The following PCDH9 variants were observed in gnomAD, a reference collection of about 807,000 sequenced individuals.
PCDH9 encodes protocadherin-9.
Under a neutral mutation model 70.6 loss-of-function variants are expected in PCDH9, and 24 were observed. The observed-to-expected ratio is 0.34, with a 90% CI of 0.25 to 0.48. The LOEUF (loss-of-function observed/expected upper bound fraction) is 0.48. Among genes scored for constraint, PCDH9 ranks in the 20% least tolerant of loss-of-function variants. The pLI is 0.99. For synonymous variants in PCDH9, 562 were observed against 558.5 expected, an observed-to-expected ratio of 1.01 and a Z score of -0.09; for missense variants, 1,281 against 1,503.6, an observed-to-expected ratio of 0.85 and a Z score of 2.45.
chr13:66,555,542 T>C (rs192568315), intron 4 of PCDH9, among the ~76,000 whole-genome samples: 32 of 152,246 alleles, frequency 2.1e-4, no homozygotes, highest in African/African-American at 6.7e-4. Context: ...TTGCATACCA[T>C]AGTTAAATTT....
intron 2 of PCDH9, among the ~76,000 whole-genome samples, chr13:66,936,213 C>G (rs751828486): frequency 1.3e-5 from 2 of 152,182 alleles, no homozygotes; most frequent in Non-Finnish European, 2.9e-5. Flanking sequence ...TGTTAGCACA[C>G]TCAATCAGTC....
chr13:66,865,763 C>T (rs1477322181), intron 3 of PCDH9, among the ~76,000 whole-genome samples: 2 of 152,196 alleles, frequency 1.3e-5, no homozygotes, highest in Admixed American at 6.5e-5. Flanking sequence ...TTTTATACTT[C>T]TTTCAAGTTA....
chr13:66,733,175 A>G (rs1229755134), intron 3 of PCDH9, among the ~76,000 whole-genome samples: 1 of 152,012 alleles, frequency 6.6e-6, no homozygotes, highest in African/African-American at 2.4e-5. Context: ...CTCTGCATAT[A>G]ATTTTATAAA....
chr13:66,803,004 C>T (rs1458807291), intron 3 of PCDH9, among the ~76,000 whole-genome samples: 1 of 152,032 alleles, frequency 6.6e-6, no homozygotes, highest in Non-Finnish European at 1.5e-5. Context: ...TAATTTAAAA[C>T]CATACTTCTA....
At chr13:67,224,657 A>C (rs2089808009) in intron 2 of PCDH9, 1 of 238,896 alleles carries the variant, frequency 4.2e-6, no homozygotes, top group Non-Finnish European at 6.8e-6. Flanking sequence ...CTTATGCATT[A>C]CTAAGATGAG....
intron 2 of PCDH9, among the ~76,000 whole-genome samples, chr13:67,037,860 G>A (rs913519710): frequency 1.1e-4 from 16 of 152,158 alleles, no homozygotes; most frequent in African/African-American, 2.9e-4. Context: ...CAACTGGACC[G>A]TATGGTAAAG....
rs147034648 is a variant in PCDH9 at position 66,844,402 on chromosome 13, T to C, written c.3138+59102A>G. Among the ~76,000 whole-genome samples, 158 of 151,930 alleles carry C rather than the reference T, an allele frequency of 1.0e-3. 2 individuals are homozygous for C. The highest frequency in any genetic ancestry group is 3.6e-3 in the African/African-American group (151 of 41,400). On this transcript the variant is annotated intron_variant, in intron 3 of 4. Transcript: ENST00000377865. ...GAGTTCAAGACCAACCAGGCCAACA[T>C]GGTGAAATCCTGTCTCTACTAAAAA...
chr13:67,214,935 G>GATAGATATATAT (rs1555321190), intron 2 of PCDH9: 1 of 89,290 alleles, frequency 1.1e-5, no homozygotes, highest in African/African-American at 4.4e-5. Flanking sequence ...TTGCGAGCCA[G>GATAGATATATAT]ATATATATAT....
intron 4 of PCDH9, among the ~76,000 whole-genome samples, chr13:66,500,937 A>G (rs1959173900): frequency 6.6e-6 from 1 of 152,114 alleles, no homozygotes; most frequent in Admixed American, 6.5e-5. Context: ...GGTGAGATTA[A>G]GCATAACAAA....
At chr13:66,734,501 A>G (rs9317608) in intron 3 of PCDH9, among the ~76,000 whole-genome samples, 91,950 of 151,946 alleles carry the variant, frequency 0.61, 28,966 homozygotes, top group Non-Finnish European at 0.72. Context: ...CAAATTTGCA[A>G]TTGGTGTCAG....
chr13:66,654,705 C>G (rs1435288220), intron 3 of PCDH9, among the ~76,000 whole-genome samples: 1 of 151,800 alleles, frequency 6.6e-6, no homozygotes, highest in African/African-American at 2.4e-5. Flanking sequence ...TTGTTGTTGT[C>G]TGTTTGTTTG....
rs949319209 is a variant in PCDH9, at chr13:66,472,014, G to T, written c.3340+159196C>A. Among the ~76,000 whole-genome samples, 11 of 151,688 alleles carry T rather than the reference G, an allele frequency of 7.3e-5. No homozygotes were observed. In the East Asian group the frequency reaches 7.8e-4, roughly 11 times the overall value. Reference sequence around the variant, plus strand: ...TCGCTTAAGGTCAGGAGTTCGAAACGAGCTTGGTCATCATGGTGAAACCCC... The same window carrying T: ...TCGCTTAAGGTCAGGAGTTCGAAACTAGCTTGGTCATCATGGTGAAACCCC... On this transcript the variant is annotated intron_variant, in intron 4 of 4. Transcript: ENST00000377865.
At chr13:66,997,168 C>G (rs921346891) in intron 2 of PCDH9, among the ~76,000 whole-genome samples, 1 of 152,104 alleles carries the variant, frequency 6.6e-6, no homozygotes, top group Admixed American at 6.5e-5. Context: ...TTGCTATAAA[C>G]GAATACCTGA....
At chr13:67,000,603 T>G (rs1420635966) in intron 2 of PCDH9, among the ~76,000 whole-genome samples, 1 of 152,016 alleles carries the variant, frequency 6.6e-6, no homozygotes, top group Non-Finnish European at 1.5e-5. Flanking sequence ...AAAAAAGTTT[T>G]TATACAGTTA....
chr13:66,375,687 A>AT (rs1353580262), intron 4 of PCDH9, among the ~76,000 whole-genome samples: 1 of 152,144 alleles, frequency 6.6e-6, no homozygotes, highest in African/African-American at 2.4e-5. Context: ...CAAATTGATG[A>AT]TATTTTATAA....
chr13:67,081,183 T>C (rs937275726), intron 2 of PCDH9, among the ~76,000 whole-genome samples: 7 of 152,224 alleles, frequency 4.6e-5, no homozygotes, highest in African/African-American at 1.7e-4. Flanking sequence ...GACAAGGATA[T>C]AGAGAATAAT....
At chr13:67,163,398 A>G (rs1251234566) in intron 2 of PCDH9, among the ~76,000 whole-genome samples, 1 of 152,228 alleles carries the variant, frequency 6.6e-6, no homozygotes, top group Non-Finnish European at 1.5e-5. Context: ...CTCATTTGTC[A>G]AACAAAGTTA....
intron 4 of PCDH9, among the ~76,000 whole-genome samples, chr13:66,308,510 T>C (rs1158356591): frequency 6.6e-6 from 1 of 152,070 alleles, no homozygotes; most frequent in African/African-American, 2.4e-5. Context: ...ACAATGGCAC[T>C]CTACATGAAA....
At chr13:66,784,425 G>A (rs1057294082) in intron 3 of PCDH9, among the ~76,000 whole-genome samples, 8 of 152,128 alleles carry the variant, frequency 5.3e-5, no homozygotes, top group African/African-American at 1.9e-4. Context: ...CAGAATGAAA[G>A]CCATGTTCCA....
Sources: gnomAD v4.1 joint callset for allele counts (sites outside exome capture counted in the v4.1 genomes callset) on GRCh38, gnomAD v4.1.1 for gene constraint, MANE v1.5 for transcripts, NCBI Gene and HGNC (gene_info 2026-07-23, HGNC 2026-07-21) for gene names.